Variants in GRIK2 observed in about 807,000 individuals in gnomAD.
GRIK2 encodes the protein glutamate receptor ionotropic, kainate 2.
In GRIK2, 32 loss-of-function variants were observed where a neutral mutation model predicts 100.3. That is an observed-to-expected ratio of 0.32 (90% CI 0.24 to 0.43). The LOEUF is 0.43. Among genes scored for constraint, GRIK2 ranks in the 20% least tolerant of loss-of-function variants. The pLI is 1.00. For missense variants in GRIK2, 843 were observed against 1,114.9 expected, an observed-to-expected ratio of 0.76 and a Z score of 3.47; for synonymous variants, 417 against 389.4, an observed-to-expected ratio of 1.07 and a Z score of -0.83.
intron 7 of GRIK2, among the ~76,000 whole-genome samples, chr6:101,706,618 C>T (rs559267612): frequency 3.3e-5 from 5 of 151,954 alleles, no homozygotes; most frequent in Admixed American, 6.6e-5. Flanking sequence ...GTTTTCAGAC[C>T]GTGCTATAGG....
intron 7 of GRIK2, among the ~76,000 whole-genome samples, chr6:101,721,733 T>C (rs1036942285): frequency 5.3e-5 from 8 of 152,076 alleles, no homozygotes; most frequent in African/African-American, 1.9e-4. Flanking sequence ...GGTCTTTCTG[T>C]TGTTTGCATT....
chr6:101,616,028 T>C (rs1215362119), intron 2 of GRIK2, among the ~76,000 whole-genome samples: 3 of 151,784 alleles, frequency 2.0e-5, no homozygotes, highest in African/African-American at 7.2e-5. Flanking sequence ...TAAGGTGTCC[T>C]CCTCCCCTAG....
At chr6:101,867,842 T>C (rs935632034) in intron 11 of GRIK2, among the ~76,000 whole-genome samples, 1 of 151,596 alleles carries the variant, frequency 6.6e-6, no homozygotes, top group African/African-American at 2.4e-5. Flanking sequence ...AATAACAATC[T>C]TCTGCTAATT....
intron 7 of GRIK2, among the ~76,000 whole-genome samples, chr6:101,750,200 C>T (rs1368555475): frequency 6.6e-6 from 1 of 152,042 alleles, no homozygotes; most frequent in Non-Finnish European, 1.5e-5. Context: ...ATTATTTTTA[C>T]CATTTTGCTC....
At chr6:101,689,409 G>A (rs556554593) in intron 7 of GRIK2, among the ~76,000 whole-genome samples, 3 of 152,052 alleles carry the variant, frequency 2.0e-5, no homozygotes, top group East Asian at 1.9e-4. Context: ...CTTTCTTCAT[G>A]TTTGAGCTAT....
chr6:101,505,425 C>T (rs1166829840), intron 2 of GRIK2, among the ~76,000 whole-genome samples: 1 of 152,124 alleles, frequency 6.6e-6, no homozygotes, highest in Non-Finnish European at 1.5e-5. Flanking sequence ...AGCTTGCCAA[C>T]TCTTTCTCCT....
At chr6:101,878,429 A>G (rs1203603886) in intron 11 of GRIK2, among the ~76,000 whole-genome samples, 1 of 151,804 alleles carries the variant, frequency 6.6e-6, no homozygotes, top group Non-Finnish European at 1.5e-5. Flanking sequence ...ATAAAATATC[A>G]GTGTGTCTGA....
chr6:101,824,879 A>G (rs888091545), intron 10 of GRIK2, among the ~76,000 whole-genome samples: 3 of 152,208 alleles, frequency 2.0e-5, no homozygotes, highest in Non-Finnish European at 4.4e-5. Context: ...CAAATTTCCA[A>G]TGACAATTGA....
At chr6:101,564,016 T>G (rs1777142884) in intron 2 of GRIK2, among the ~76,000 whole-genome samples, 1 of 152,208 alleles carries the variant, frequency 6.6e-6, no homozygotes, top group Non-Finnish European at 1.5e-5. Context: ...ACTTCAGTAT[T>G]TGCTTAATAT....
intron 7 of GRIK2, among the ~76,000 whole-genome samples, chr6:101,713,158 C>T (rs1773832534): frequency 6.6e-6 from 1 of 151,756 alleles, no homozygotes; most frequent in African/African-American, 2.4e-5. Flanking sequence ...AGGCCAGCAT[C>T]CACTGTCTTT....
intron 2 of GRIK2, among the ~76,000 whole-genome samples, chr6:101,429,708 A>G (rs1769270343): frequency 3.3e-5 from 5 of 152,178 alleles, no homozygotes; most frequent in Admixed American, 2.6e-4. Context: ...TTTTTTTCCA[A>G]TTATAGCAGC....
chr6:101,963,278 A>ATT lies in GRIK2; in HGVS notation c.2085+34682_2085+34683dup, dbSNP rs3029099. Among the ~76,000 whole-genome samples the ATT allele has an allele frequency of 6.1e-4, 17 of 27,844 alleles. 8 individuals carry two copies. The highest frequency in any genetic ancestry group is 1.0e-3 in the Admixed American group (2 of 1,924). 18.3% of individuals were successfully genotyped at this position (27,844 alleles called of 152,430 possible). On this transcript the variant is annotated intron_variant, in intron 14 of 16. Transcript: ENST00000369134. ...TATTTCATATTTATACTTATTTAGG[A>ATT]TTTTTTTTTTTTTTTTTTTTTTTTT...
intron 2 of GRIK2, among the ~76,000 whole-genome samples, chr6:101,535,771 T>A (rs531279155): frequency 2.0e-5 from 3 of 151,730 alleles, no homozygotes; most frequent in Non-Finnish European, 4.4e-5. Context: ...TTCATTATGT[T>A]GACATATTTT....
chr6:101,787,868 T>C (rs2128405553), intron 7 of GRIK2, among the ~76,000 whole-genome samples: 1 of 152,274 alleles, frequency 6.6e-6, no homozygotes, highest in Non-Finnish European at 1.5e-5. Context: ...TCTACCTAGA[T>C]GAGCTGTTAA....
intron 2 of GRIK2, among the ~76,000 whole-genome samples, chr6:101,604,282 CATATA>C (rs1242014799): frequency 2.0e-5 from 3 of 151,604 alleles, no homozygotes; most frequent in Admixed American, 2.0e-4. Flanking sequence ...AGAAATATAA[CATATA>C]ATATATAATT....
At chr6:101,942,651 C>A (rs554238027) in intron 14 of GRIK2, among the ~76,000 whole-genome samples, 10 of 152,220 alleles carry the variant, frequency 6.6e-5, no homozygotes, top group African/African-American at 2.4e-4. Flanking sequence ...ATCTGTGGAA[C>A]TTTGAGCTTG....
At chr6:101,427,557 C>T (rs772952601) in intron 2 of GRIK2, among the ~76,000 whole-genome samples, 1 of 152,178 alleles carries the variant, frequency 6.6e-6, no homozygotes, top group African/African-American at 2.4e-5. Context: ...GAATGAACAA[C>T]TAAGCTGGCA....
chr6:101,916,786 G>A (rs767371685), intron 12 of GRIK2, among the ~76,000 whole-genome samples: 1 of 151,716 alleles, frequency 6.6e-6, no homozygotes, highest in African/African-American at 2.4e-5. Context: ...ATTGGCAAGT[G>A]TGACACAAAC....
intron 5 of GRIK2, among the ~76,000 whole-genome samples, chr6:101,681,786 A>G (rs892870160): frequency 6.6e-6 from 1 of 152,174 alleles, no homozygotes; most frequent in Non-Finnish European, 1.5e-5. Context: ...TTTCCTACTA[A>G]GAACTCTTCA....
Sources: allele counts gnomAD v4.1 joint callset (sites outside exome capture counted in the v4.1 genomes callset), GRCh38; gene constraint gnomAD v4.1.1; transcripts MANE v1.5; gene names NCBI Gene and HGNC (gene_info 2026-07-23, HGNC 2026-07-21).